LRRC37A2: variants seen among roughly 807,000 people sequenced by gnomAD.
LRRC37A2 encodes leucine-rich repeat-containing protein 37A2.
Under a neutral mutation model 68.8 loss-of-function variants are expected in LRRC37A2, and 9 were observed. The ratio of observed to expected loss-of-function variants is 0.13; its 90% CI spans 0.08 to 0.23. The LOEUF is 0.23. Among genes scored for constraint, LRRC37A2 ranks in the 10% least tolerant of loss-of-function variants. The probability of loss-of-function intolerance (pLI) is 1.00; values close to 1 mark genes in which losing one functional copy is unlikely to be tolerated. For synonymous variants in LRRC37A2, 63 were observed against 367.6 expected (o/e 0.17, Z 9.48); for missense variants, 168 against 950.4 (o/e 0.18, Z 10.82).
chr17:47,035,843 T>C, the LRRC37A2 span, among the ~76,000 whole-genome samples: 2 of 152,298 alleles, frequency 1.3e-5, no homozygotes, highest in Middle Eastern at 3.4e-3. Context: ...TCTCTTCTCA[T>C]AGCCATCCCA....
At chr17:46,727,257 G>A in the LRRC37A2 span, among the ~76,000 whole-genome samples, 8 of 152,116 alleles carry the variant, frequency 5.3e-5, no homozygotes, top group Admixed American at 1.3e-4. Flanking sequence ...AAGAAGACTT[G>A]GTCCTGGCAC....
the LRRC37A2 span, among the ~76,000 whole-genome samples, chr17:46,814,421 C>T: frequency 6.6e-6 from 1 of 152,200 alleles, no homozygotes; most frequent in Non-Finnish European, 1.5e-5. Flanking sequence ...CTCTGGACTC[C>T]GAAGCCCCAC....
chr17:46,861,478 G>A, the LRRC37A2 span, among the ~76,000 whole-genome samples: 1 of 152,150 alleles, frequency 6.6e-6, no homozygotes, highest in Admixed American at 6.5e-5. Context: ...GCTCTCTGGG[G>A]CACATACTAC....
the LRRC37A2 span, among the ~76,000 whole-genome samples, chr17:46,476,559 C>T: frequency 9.9e-6 from 1 of 100,526 alleles, no homozygotes. Flanking sequence ...TGGTGTGCAC[C>T]TGTAATCCCA....
chr17:46,733,648 G>A, the LRRC37A2 span, among the ~76,000 whole-genome samples: 2 of 152,174 alleles, frequency 1.3e-5, no homozygotes, highest in Non-Finnish European at 2.9e-5. Context: ...AAGTGGATGA[G>A]GCCACTCACA....
At chr17:46,790,390 G>C in the LRRC37A2 span, among the ~76,000 whole-genome samples, 1 of 152,090 alleles carries the variant, frequency 6.6e-6, no homozygotes, top group Non-Finnish European at 1.5e-5. Flanking sequence ...AGGCTGCCTG[G>C]GCCCCCTGCA....
At chr17:46,992,862 A>T in the LRRC37A2 span, among the ~76,000 whole-genome samples, 1 of 150,612 alleles carries the variant, frequency 6.6e-6, no homozygotes, top group African/African-American at 2.4e-5. Flanking sequence ...TCAAAAAAAA[A>T]AAAAAAAAAA....
the LRRC37A2 span, among the ~76,000 whole-genome samples, chr17:46,782,092 T>A: frequency 6.6e-6 from 1 of 152,134 alleles, no homozygotes; most frequent in Admixed American, 6.5e-5. Flanking sequence ...AAGGCTCCCC[T>A]CCTCCCTTCG....
At chr17:46,806,771 C>T in the LRRC37A2 span, among the ~76,000 whole-genome samples, 1 of 152,184 alleles carries the variant, frequency 6.6e-6, no homozygotes, top group Non-Finnish European at 1.5e-5. Flanking sequence ...AGGGGAGAGC[C>T]GGTTAGAGTT....
At chr17:46,635,777 ATGTGTGTGTGTGTGTGTGTG>A in the LRRC37A2 span, among the ~76,000 whole-genome samples, 3 of 116,796 alleles carry the variant, frequency 2.6e-5, no homozygotes, top group South Asian at 7.9e-4. Flanking sequence ...GGGAAAATAA[ATGTGTGTGTGTGTGTGTGTG>A]TGTGTGTGTG....
chr17:46,914,115 C>T, the LRRC37A2 span, among the ~76,000 whole-genome samples: 3 of 152,016 alleles, frequency 2.0e-5, no homozygotes, highest in African/African-American at 7.3e-5. Flanking sequence ...ATTGAAAGTG[C>T]AGGGGGTGGC....
the LRRC37A2 span, among the ~76,000 whole-genome samples, chr17:46,791,309 G>T: frequency 6.6e-6 from 1 of 151,958 alleles, no homozygotes; most frequent in Non-Finnish European, 1.5e-5. Context: ...CGTCTTCCAG[G>T]TTCAAGCGAT....
chr17:46,977,054 A>G, the LRRC37A2 span, among the ~76,000 whole-genome samples: 4 of 152,160 alleles, frequency 2.6e-5, no homozygotes, highest in South Asian at 6.2e-4. Context: ...CATCCTGATC[A>G]TGATAATTCT....
chr17:46,962,419 A>G, the LRRC37A2 span, among the ~76,000 whole-genome samples: 22 of 152,114 alleles, frequency 1.4e-4, no homozygotes, highest in Non-Finnish European at 2.5e-4. Context: ...GCCCTTGTTT[A>G]GTCTCCTCAC....
At chr17:46,812,272 C>A in the LRRC37A2 span, among the ~76,000 whole-genome samples, 1 of 152,184 alleles carries the variant, frequency 6.6e-6, no homozygotes, top group African/African-American at 2.4e-5. Context: ...ACAGGGAGGG[C>A]CTGGATGGGG....
the LRRC37A2 span, among the ~76,000 whole-genome samples, chr17:46,942,501 C>T: frequency 1.3e-5 from 2 of 152,308 alleles, no homozygotes; most frequent in South Asian, 2.1e-4. Context: ...CCACACTTCT[C>T]GTGGGGTGCT....
the LRRC37A2 span, among the ~76,000 whole-genome samples, chr17:46,458,904 G>GC: frequency 1.1e-5 from 1 of 93,432 alleles, no homozygotes; most frequent in East Asian, 2.5e-4. Context: ...ATGAATGTAT[G>GC]CTACCTATGT....
At chr17:46,541,300 G>T (rs2055265985) in intron 8 of LRRC37A2, among the ~76,000 whole-genome samples, 1 of 150,022 alleles carries the variant, frequency 6.7e-6, no homozygotes, top group Non-Finnish European at 1.5e-5. Context: ...CGCCCAGGCT[G>T]CAGTGCAGCG....
chr17:46,982,905 G>T, the LRRC37A2 span, among the ~76,000 whole-genome samples: 1 of 152,192 alleles, frequency 6.6e-6, no homozygotes, highest in African/African-American at 2.4e-5. Flanking sequence ...GCGGAAAAAG[G>T]AGAAGGCTTC....
Sources: gnomAD v4.1 joint callset for allele counts (sites outside exome capture counted in the v4.1 genomes callset) on GRCh38, gnomAD v4.1.1 for gene constraint, MANE v1.5 for transcripts, NCBI Gene and HGNC (gene_info 2026-07-23, HGNC 2026-07-21) for gene names.